MAP3K20: variants seen among roughly 807,000 people sequenced by gnomAD.
MAP3K20 encodes the protein HCCS-4.
In MAP3K20, 40 loss-of-function variants were observed where a neutral mutation model predicts 85.7. That is an observed-to-expected ratio of 0.47 (90% CI 0.36 to 0.61). The LOEUF is 0.61. MAP3K20 is among the 20% of genes least tolerant of loss of function. The pLI, the probability that MAP3K20 is intolerant of heterozygous loss-of-function variation, is 0.00. For missense variants in MAP3K20, 817 were observed against 961.7 expected, an observed-to-expected ratio of 0.85 and a Z score of 1.99; for synonymous variants, 325 against 327.7, an observed-to-expected ratio of 0.99 and a Z score of 0.09.
At chr2:173,162,309 G>C (rs1689682660) in intron 2 of MAP3K20, among the ~76,000 whole-genome samples, 1 of 152,114 alleles carries the variant, frequency 6.6e-6, no homozygotes, top group Non-Finnish European at 1.5e-5. Context: ...GTGCAGTGAA[G>C]AGATGGCTTC....
At chr2:173,087,949 G>A (rs1046196434) in intron 1 of MAP3K20, among the ~76,000 whole-genome samples, 1 of 152,150 alleles carries the variant, frequency 6.6e-6, no homozygotes, top group Admixed American at 6.5e-5. Flanking sequence ...AAATTCTTAG[G>A]ATGGTAGCCA....
chr2:173,172,053 C>G (rs553971408), intron 3 of MAP3K20, among the ~76,000 whole-genome samples: 2 of 152,180 alleles, frequency 1.3e-5, no homozygotes, highest in African/African-American at 4.8e-5. Context: ...CAGCTATGCT[C>G]TGTGCATGGG....
chr2:173,113,371 T>C (rs1264124890), intron 2 of MAP3K20, among the ~76,000 whole-genome samples: 1 of 151,576 alleles, frequency 6.6e-6, no homozygotes, highest in Non-Finnish European at 1.5e-5. Flanking sequence ...TCTTTTGTAT[T>C]TTTTTTTGTT....
rs138873004 is a variant in MAP3K20, at chr2:173,250,985, C to T, written c.1360-7714C>T. Among the ~76,000 whole-genome samples, 214 of 152,234 alleles carry T rather than the reference C, an allele frequency of 1.4e-3. 2 individuals are homozygous for T. Among genetic ancestry groups the T allele is most frequent in the African/African-American group, 4.8e-3 (199 of 41,542 alleles). On this transcript the variant is annotated intron_variant, in intron 16 of 19. Transcript: ENST00000375213. Reference sequence around the variant, plus strand: ...ATGATAAATAACCCAGGTGCTATCACGGGATGTTCCACTCTCCTGCCTTTA... The same window carrying T: ...ATGATAAATAACCCAGGTGCTATCATGGGATGTTCCACTCTCCTGCCTTTA...
chr2:173,079,897 T>A (rs1178123097), intron 1 of MAP3K20, among the ~76,000 whole-genome samples: 3 of 152,132 alleles, frequency 2.0e-5, no homozygotes, highest in Non-Finnish European at 4.4e-5. Context: ...TTTCTTTTTT[T>A]TTTTTTTAAG....
At chr2:173,249,553 G>T (rs1684996802) in intron 16 of MAP3K20, among the ~76,000 whole-genome samples, 1 of 152,148 alleles carries the variant, frequency 6.6e-6, no homozygotes. Context: ...AAGAACCTAG[G>T]AGGTAGAACA....
intron 4 of MAP3K20, among the ~76,000 whole-genome samples, chr2:173,185,304 G>A (rs1334819096): frequency 6.6e-6 from 1 of 152,174 alleles, no homozygotes; most frequent in Non-Finnish European, 1.5e-5. Flanking sequence ...CAAAACTGCA[G>A]ATTAATAAAA....
intron 2 of MAP3K20, among the ~76,000 whole-genome samples, chr2:173,151,040 C>T (rs1473093047): frequency 6.6e-6 from 1 of 152,150 alleles, no homozygotes; most frequent in Non-Finnish European, 1.5e-5. Flanking sequence ...GACCACACAG[C>T]TCATACATGA....
intron 1 of MAP3K20, among the ~76,000 whole-genome samples, 167 bp downstream of exon 1, chr2:173,076,169 G>C (rs1573990782): frequency 6.6e-6 from 1 of 151,292 alleles, no homozygotes; most frequent in Non-Finnish European, 1.5e-5. Context: ...GGGCCCGCCC[G>C]GCGGCGGCGG....
In MAP3K20 at chr2:173,209,935, T is replaced by C. The variant is rs778025335; in HGVS notation, c.851+100T>C. On this transcript the variant is annotated intron_variant, in intron 10 of 19. Transcript: ENST00000375213. ...AGAGATCTGAATGACAGTCCTGATT[T>C]CTGACCATAGCTTAGGGAAAAAGAA... 4.6e-6 allele frequency: 5 copies of C among 1,083,110 alleles called. No individual in the cohort carries two copies. In the South Asian group the frequency reaches 6.4e-5, roughly 14 times the overall value. The allele number at this position is 1,083,110 out of a possible 1,614,324, so 67.1% of individuals were successfully genotyped here. A position where few individuals can be genotyped will look rare whatever the true frequency, so the allele number is the denominator to read the frequency against.
chr2:173,136,379 A>G (rs1688800920), intron 2 of MAP3K20, among the ~76,000 whole-genome samples: 1 of 152,214 alleles, frequency 6.6e-6, no homozygotes, highest in Admixed American at 6.5e-5. Flanking sequence ...AACTCTAATT[A>G]TGTTTTAAAC....
intron 8 of MAP3K20, among the ~76,000 whole-genome samples, chr2:173,203,118 G>A (rs775110973): frequency 1.3e-5 from 2 of 152,012 alleles, no homozygotes; most frequent in Admixed American, 6.6e-5. Context: ...CTTAAAAGTC[G>A]GTTGCAACCC....
intron 2 of MAP3K20, among the ~76,000 whole-genome samples, chr2:173,140,082 G>A (rs1489996323): frequency 6.6e-6 from 1 of 152,128 alleles, no homozygotes; most frequent in Non-Finnish European, 1.5e-5. Context: ...CGCAATCTCA[G>A]CTCACTGCAA....
chr2:173,210,132 A>G (rs1376976511), intron 10 of MAP3K20: 4 of 326,146 alleles, frequency 1.2e-5, no homozygotes, highest in African/African-American at 2.2e-5. Context: ...CAGGCAGATC[A>G]CCTGAGGTCA....
intron 10 of MAP3K20, chr2:173,210,916 A>G (rs1402810880): frequency 6.6e-6 from 1 of 152,186 alleles, no homozygotes; most frequent in Non-Finnish European, 1.5e-5. Flanking sequence ...CCTTTGAAAT[A>G]TCTTATCTAG....
chr2:173,110,651 A>G (rs923400624), intron 2 of MAP3K20, among the ~76,000 whole-genome samples: 1 of 152,004 alleles, frequency 6.6e-6, no homozygotes, highest in Non-Finnish European at 1.5e-5. Context: ...TAGCTCCCAC[A>G]TATCAGTGAG....
chr2:173,101,467 T>C (rs1687636805), intron 2 of MAP3K20, among the ~76,000 whole-genome samples: 2 of 152,358 alleles, frequency 1.3e-5, no homozygotes, highest in South Asian at 4.1e-4. Flanking sequence ...TTTCAGTTAG[T>C]TAATATTTGT....
intron 16 of MAP3K20, among the ~76,000 whole-genome samples, chr2:173,255,925 A>G (rs80065679): frequency 0.038 from 5,725 of 152,310 alleles, 370 homozygotes; most frequent in African/African-American, 0.13. Flanking sequence ...CAGGACCCAC[A>G]TTGCCTGGGT....
intron 2 of MAP3K20, among the ~76,000 whole-genome samples, chr2:173,156,584 A>C (rs1002712341): frequency 2.6e-5 from 4 of 152,148 alleles, no homozygotes; most frequent in Admixed American, 2.6e-4. Flanking sequence ...TCTCATAAAG[A>C]CCGTGCAACC....
Sources: allele counts gnomAD v4.1 joint callset (sites outside exome capture counted in the v4.1 genomes callset), GRCh38; gene constraint gnomAD v4.1.1; transcripts MANE v1.5; gene names NCBI Gene and HGNC (gene_info 2026-07-23, HGNC 2026-07-21).